Variants in TM9SF2 observed in about 807,000 individuals in gnomAD.
TM9SF2 encodes 76 kDa membrane protein.
Under a neutral mutation model 84.9 loss-of-function variants are expected in TM9SF2, and 13 were observed. That is an observed-to-expected ratio of 0.15 (90% CI 0.10 to 0.24). The LOEUF (loss-of-function observed/expected upper bound fraction) is 0.24, where lower values mean the gene tolerates loss of function less well. Among genes scored for constraint, TM9SF2 ranks in the 10% least tolerant of loss-of-function variants. The pLI is 1.00. For missense variants in TM9SF2, 562 were observed against 818.5 expected, an observed-to-expected ratio of 0.69 and a Z score of 3.82; for synonymous variants, 273 against 285.8, an observed-to-expected ratio of 0.96 and a Z score of 0.45.
At chr13:99,542,809 C>T (rs933625477) in intron 9 of TM9SF2, among the ~76,000 whole-genome samples, 6 of 152,118 alleles carry the variant, frequency 3.9e-5, no homozygotes, top group African/African-American at 7.2e-5. Context: ...ATTTGCACAG[C>T]GTTGCCATGT....
chr13:99,545,748 G>A (rs1316294037), intron 10 of TM9SF2, among the ~76,000 whole-genome samples: 1 of 151,974 alleles, frequency 6.6e-6, no homozygotes, highest in Non-Finnish European at 1.5e-5. Context: ...TGTATTTTTG[G>A]TAGAGACACG....
intron 2 of TM9SF2, 114 bp from the exon 3 acceptor site, chr13:99,519,922 C>A: frequency 2.5e-6 from 2 of 785,064 alleles, no homozygotes; most frequent in Non-Finnish European, 4.0e-6. Flanking sequence ...ATTTCTTACT[C>A]ATCTACTAGA....
intron 1 of TM9SF2, 43 bp from the exon 2 acceptor site, chr13:99,517,571 G>T: frequency 7.5e-7 from 1 of 1,338,866 alleles, no homozygotes. Context: ...AAGGCTTTGT[G>T]TCCTGTTGTT....
At position 99,549,179 on chromosome 13, in the gene TM9SF2, A is replaced by C. The variant is rs781304403; in HGVS notation, c.1285A>C (p.Lys429Gln). Reference protein sequence around the residue: ...ARFYKSFGGEKWKTNVLLTSF... With the variant: ...ARFYKSFGGEQWKTNVLLTSF... ...TTCTTCTATAGCCTTTGGAGGTGAG[A>C]AGTGGAAAACAAATGTTTTATTAAC... Residue 429 changes from lysine (K) to glutamine (Q), a missense_variant, in exon 12 of 17, where the codon AAG becomes CAG. Lys to Gln is a moderately conservative substitution (Grantham distance 53). This residue lies in a region of TM9SF2 where 219 missense variants were observed against 338.1 expected (regional missense o/e 0.65). Coordinates refer to ENST00000376387, the MANE Select transcript of TM9SF2 (RefSeq NM_004800.3). 1 of 1,613,256 alleles carries C rather than the reference A, an allele frequency of 6.2e-7. No homozygotes were observed. Among genetic ancestry groups the C allele is most frequent in the East Asian group, 2.2e-5 (1 of 44,782 alleles).
intron 3 of TM9SF2, among the ~76,000 whole-genome samples, chr13:99,524,173 C>G (rs562779521): frequency 6.6e-6 from 1 of 152,250 alleles, no homozygotes; most frequent in East Asian, 1.9e-4. Flanking sequence ...GAGTAGGCTT[C>G]GATTTTACCA....
At chr13:99,551,896 A>G (rs1008817168) in intron 12 of TM9SF2, among the ~76,000 whole-genome samples, 14 of 152,220 alleles carry the variant, frequency 9.2e-5, no homozygotes, top group African/African-American at 3.4e-4. Flanking sequence ...ATACAAATTA[A>G]AACAACAGAA....
chr13:99,554,584 A>C, intron 14 of TM9SF2, 129 bp downstream of exon 14: 1 of 969,518 alleles, frequency 1.0e-6, no homozygotes, highest in Non-Finnish European at 1.5e-6. Context: ...GAAATCTTAA[A>C]AGCCAAAAGC....
At chr13:99,526,636 G>A (rs2046184904) in intron 3 of TM9SF2, among the ~76,000 whole-genome samples, 1 of 152,200 alleles carries the variant, frequency 6.6e-6, no homozygotes, top group Admixed American at 6.5e-5. Context: ...ATTGATAAAG[G>A]CAGGGTGGAA....
chr13:99,542,946 G>A (rs2046267223), intron 9 of TM9SF2, among the ~76,000 whole-genome samples: 1 of 152,072 alleles, frequency 6.6e-6, no homozygotes, highest in African/African-American at 2.4e-5. Flanking sequence ...GGCCCTCCAG[G>A]GACTTCTGTT....
intron 6 of TM9SF2, 149 bp downstream of exon 6, chr13:99,538,012 G>A (rs2046241729): frequency 8.5e-7 from 1 of 1,174,926 alleles, no homozygotes; most frequent in African/African-American, 1.6e-5. Context: ...TTATTGTTAT[G>A]GGTTGTCCAG....
chr13:99,549,081 T>C, intron 11 of TM9SF2, 84 bp from the exon 12 acceptor site: 1 of 1,146,798 alleles, frequency 8.7e-7, no homozygotes, highest in African/African-American at 1.5e-5. Context: ...TCTGACAGTT[T>C]GGCAAATATC....
intron 4 of TM9SF2, among the ~76,000 whole-genome samples, chr13:99,533,630 A>T (rs2046220269): frequency 6.6e-6 from 1 of 152,172 alleles, no homozygotes; most frequent in Non-Finnish European, 1.5e-5. Context: ...ATAGTTTCTT[A>T]TATAAATTGA....
At chr13:99,536,546 C>A in intron 4 of TM9SF2, 62 bp from the exon 5 acceptor site, 1 of 1,569,362 alleles carries the variant, frequency 6.4e-7, no homozygotes, top group Non-Finnish European at 8.7e-7. Flanking sequence ...CTGATTTGGG[C>A]AGTAATTCTT....
At chr13:99,549,738 G>A (rs887294164) in intron 12 of TM9SF2, among the ~76,000 whole-genome samples, 3 of 152,134 alleles carry the variant, frequency 2.0e-5, no homozygotes, top group Non-Finnish European at 2.9e-5. Flanking sequence ...ATCTGATGCG[G>A]TTCTGGTCCT....
intron 15 of TM9SF2, among the ~76,000 whole-genome samples, chr13:99,558,142 G>A (rs1485376312): frequency 6.6e-6 from 1 of 152,168 alleles, no homozygotes; most frequent in East Asian, 1.9e-4. Context: ...AGATGTATGG[G>A]TTTATTTCTG....
At chr13:99,517,018 A>C (rs1318633623) in intron 1 of TM9SF2, among the ~76,000 whole-genome samples, 8 of 152,202 alleles carry the variant, frequency 5.3e-5, no homozygotes, top group Admixed American at 4.6e-4. Context: ...CTTTTAGTTA[A>C]AATATCTTAT....
At chr13:99,554,181 A>G in intron 13 of TM9SF2, 123 bp from the exon 14 acceptor site, 1 of 1,179,060 alleles carries the variant, frequency 8.5e-7, no homozygotes, top group East Asian at 2.4e-5. Flanking sequence ...TGTCTTAAGT[A>G]GACTTTATTG....
intron 1 of TM9SF2, among the ~76,000 whole-genome samples, chr13:99,515,920 C>T (rs1045984127): frequency 3.3e-5 from 5 of 151,922 alleles, no homozygotes; most frequent in African/African-American, 9.7e-5. Flanking sequence ...TTAGTAGAAA[C>T]GGGGTTTCGC....
intron 3 of TM9SF2, among the ~76,000 whole-genome samples, chr13:99,524,893 G>A (rs1262349201): frequency 1.3e-5 from 2 of 151,812 alleles, no homozygotes; most frequent in Non-Finnish European, 2.9e-5. Context: ...GGGAGGATGG[G>A]GAGAGTCTAG....
Sources: allele counts gnomAD v4.1 joint callset (sites outside exome capture counted in the v4.1 genomes callset), GRCh38; gene constraint gnomAD v4.1.1; regional missense constraint gnomAD v4.1.1; transcripts MANE v1.5; gene names NCBI Gene and HGNC (gene_info 2026-07-23, HGNC 2026-07-21).